The following FBN2 variants were observed in gnomAD, a reference collection of about 807,000 sequenced individuals.
FBN2 encodes fibrillin 2.
In FBN2, 105 loss-of-function variants were observed where a neutral mutation model predicts 355.6. That is an observed-to-expected ratio of 0.30 (90% confidence interval 0.25 to 0.35). The LOEUF is 0.35. Among genes scored for constraint, FBN2 ranks in the 10% least tolerant of loss-of-function variants. FBN2 has a pLI of 1.00. For synonymous variants in FBN2, 1,350 were observed against 1,301.2 expected (o/e 1.04, Z -0.81); for missense variants, 3,280 against 3,758.7 (o/e 0.87, Z 3.33).
chr5:128,479,970 CTCTCTCTATA>C (rs1177696773), intron 5 of FBN2, among the ~76,000 whole-genome samples: 22 of 24,312 alleles, frequency 9.0e-4, no homozygotes, highest in South Asian at 2.0e-3. Flanking sequence ...CTCTCTCTCT[CTCTCTCTATA>C]TATATATATA....
chr5:128,259,990 T>C (rs921584015), intron 64 of FBN2, among the ~76,000 whole-genome samples, 161 bp from the exon 65 acceptor site: 1 of 151,994 alleles, frequency 6.6e-6, no homozygotes, highest in African/African-American at 2.4e-5. Flanking sequence ...AAAGAGGCTA[T>C]TGTACATTTT....
chr5:128,374,753 G>A lies in FBN2; in HGVS notation c.1973-3C>T. ...TGGGGTCTGGCATTCATCAACATCT[G>A]TGCAGTGGGTGACAGAAGCCAAGCA... On this transcript the variant is annotated splice_polypyrimidine_tract_variant and splice_region_variant and intron_variant, in intron 14 of 64. Coordinates refer to ENST00000262464, the MANE Select transcript of FBN2 (RefSeq NM_001999.4). 6.2e-7 allele frequency: 1 copy of A among 1,613,818 alleles called. No individual in the cohort carries two copies. The highest frequency in any genetic ancestry group is 8.5e-7 in the Non-Finnish European group (1 of 1,179,834).
intron 20 of FBN2, among the ~76,000 whole-genome samples, chr5:128,352,700 G>T (rs1278345201): frequency 1.3e-5 from 2 of 152,138 alleles, no homozygotes; most frequent in African/African-American, 4.8e-5. Flanking sequence ...TTCCCGGTAT[G>T]CAGCCCAGGA....
At chr5:128,533,037 CAAATTAATAAA>C (rs1756747940) in intron 2 of FBN2, among the ~76,000 whole-genome samples, 1 of 151,978 alleles carries the variant, frequency 6.6e-6, no homozygotes, top group African/African-American at 2.4e-5. Flanking sequence ...GATCCTGTCT[CAAATTAATAAA>C]AAAAGAAAAA....
In FBN2 at chr5:128,336,016, C is replaced by T. The variant is rs768851545; in HGVS notation, c.3696G>A (p.Gln1232=). The T allele has an allele frequency of 6.2e-7, 1 of 1,614,152 alleles. No homozygotes were observed. The highest frequency in any genetic ancestry group is 1.1e-5 in the South Asian group (1 of 91,080). Reference sequence around the variant, plus strand: ...TACAGCCCTGGCGGTCTGGCGTAGCCTGATATCCAGGATTGCAAGAGCACT... The same window carrying T: ...TACAGCCCTGGCGGTCTGGCGTAGCTTGATATCCAGGATTGCAAGAGCACT... ...TYQCSCNPGY[Q]ATPDRQGCTD... The change falls in exon 28 of 65, where the codon CAG becomes CAA. Residue 1232 remains glutamine, a synonymous_variant. Coordinates refer to ENST00000262464, the MANE Select transcript of FBN2 (RefSeq NM_001999.4).
At chr5:128,260,936 C>G (rs780733580) in intron 64 of FBN2, among the ~76,000 whole-genome samples, 1 of 152,132 alleles carries the variant, frequency 6.6e-6, no homozygotes, top group Non-Finnish European at 1.5e-5. Flanking sequence ...TCATCAAGAT[C>G]TCTAGATATG....
chr5:128,319,063 T>C (rs1750293219), intron 34 of FBN2, 62 bp from the exon 35 acceptor site: 1 of 1,336,474 alleles, frequency 7.5e-7, no homozygotes, highest in East Asian at 2.4e-5. Flanking sequence ...TTTAATGTAA[T>C]GTCTAACATT....
At chr5:128,414,356 T>A (rs1310985698) in intron 7 of FBN2, among the ~76,000 whole-genome samples, 1 of 152,182 alleles carries the variant, frequency 6.6e-6, no homozygotes, top group Non-Finnish European at 1.5e-5. Flanking sequence ...ATTCTGGACA[T>A]TTCATATAAA....
Position 128,537,643 on chromosome 5 carries a change from G to A in FBN2, c.-40C>T, listed in dbSNP as rs759900485. 27 of 1,588,948 alleles carry A rather than the reference G, an allele frequency of 1.7e-5. No individual in the cohort carries two copies. Among genetic ancestry groups the A allele is most frequent in the South Asian group, 1.0e-4 (9 of 89,484 alleles). ...GCGCGCGGCCGTAGACCCGCGGAGAGGGAGTGATCAAAGACAAAATCTGCG... is the reference window on the plus strand; with the variant it reads ...GCGCGCGGCCGTAGACCCGCGGAGAAGGAGTGATCAAAGACAAAATCTGCG... On this transcript the variant is annotated 5_prime_UTR_variant, in exon 1 of 65. Transcript: ENST00000262464.
At chr5:128,475,162 G>T (rs1754977225) in intron 5 of FBN2, among the ~76,000 whole-genome samples, 1 of 152,124 alleles carries the variant, frequency 6.6e-6, no homozygotes. Flanking sequence ...CACCAGGAGA[G>T]GCGCAAGAGC....
At chr5:128,289,081 A>G (rs951352391) in intron 52 of FBN2, 46 bp downstream of exon 52, 1 of 1,604,788 alleles carries the variant, frequency 6.2e-7, no homozygotes, top group African/African-American at 1.3e-5. Flanking sequence ...GAATATGAGA[A>G]GTAAAATAGA....
intron 7 of FBN2, among the ~76,000 whole-genome samples, chr5:128,433,566 G>A (rs528672734): frequency 8.5e-4 from 130 of 152,194 alleles, no homozygotes; most frequent in Non-Finnish European, 1.5e-3. Context: ...CATAGTCCTG[G>A]TAGCATTTCT....
chr5:128,490,542 C>A (rs1440685005), intron 5 of FBN2, among the ~76,000 whole-genome samples: 3 of 152,228 alleles, frequency 2.0e-5, no homozygotes, highest in Non-Finnish European at 4.4e-5. Context: ...AACATCAACT[C>A]TAATGCTCAC....
At position 128,330,818 on chromosome 5, in the gene FBN2, C is replaced by A; in HGVS notation, c.4223-123G>T. 2.7e-6 allele frequency: 3 copies of A among 1,108,576 alleles called. No individual in the cohort carries two copies. In the South Asian group the frequency reaches 4.0e-5, roughly 15 times the overall value. The allele number at this position is 1,108,576 out of a possible 1,614,324, so 68.7% of individuals were successfully genotyped here. ...TGACAGGCATTTTAGTTTGCAGGAT[C>A]ACAGTTCTAATTCGCTAAGCTCTCA... On this transcript the variant is annotated intron_variant, in intron 32 of 64. Coordinates refer to ENST00000262464, the MANE Select transcript of FBN2 (RefSeq NM_001999.4).
intron 48 of FBN2, among the ~76,000 whole-genome samples, chr5:128,296,897 T>G (rs1254721584): frequency 1.3e-5 from 2 of 152,116 alleles, no homozygotes; most frequent in Admixed American, 6.5e-5. Context: ...ATGTGTTTGC[T>G]CTTGCTTTTC....
At chr5:128,503,678 TG>T (rs1349667350) in intron 5 of FBN2, among the ~76,000 whole-genome samples, 13 of 152,064 alleles carry the variant, frequency 8.5e-5, no homozygotes, top group African/African-American at 3.1e-4. Context: ...ACTTTCTAAG[TG>T]GCAAAGCATT....
chr5:128,266,734 T>C (rs1765122062), intron 62 of FBN2, among the ~76,000 whole-genome samples: 1 of 152,098 alleles, frequency 6.6e-6, no homozygotes, highest in South Asian at 2.1e-4. Context: ...TGGATTAAGG[T>C]CTATGGAATT....
intron 27 of FBN2, among the ~76,000 whole-genome samples, chr5:128,336,868 C>G (rs1750856305): frequency 6.6e-6 from 1 of 152,098 alleles, no homozygotes. Context: ...AAAAACAGTA[C>G]AGTATAATCA....
At chr5:128,480,477 G>C (rs888103133) in intron 5 of FBN2, among the ~76,000 whole-genome samples, 40 of 152,232 alleles carry the variant, frequency 2.6e-4, no homozygotes, top group African/African-American at 9.4e-4. Flanking sequence ...TTTACTTATA[G>C]TGTATGATGT....
Sources: gnomAD v4.1 joint callset for allele counts (sites outside exome capture counted in the v4.1 genomes callset) on GRCh38, gnomAD v4.1.1 for gene constraint, MANE v1.5 for transcripts, NCBI Gene and HGNC (gene_info 2026-07-23, HGNC 2026-07-21) for gene names.